DTNB: variants seen among roughly 807,000 people sequenced by gnomAD.
The protein encoded by DTNB is DTN-B.
In DTNB, 63 loss-of-function variants were observed where a neutral mutation model predicts 90.7. The ratio of observed to expected loss-of-function variants is 0.69; its 90% confidence interval spans 0.57 to 0.86. DTNB has a LOEUF of 0.86. Among genes scored for constraint, DTNB ranks in the 40% least tolerant of loss-of-function variants. The probability of loss-of-function intolerance (pLI) is 0.00; values close to 1 mark genes in which losing one functional copy is unlikely to be tolerated. For synonymous variants in DTNB, 277 were observed against 286.7 expected, an observed-to-expected ratio of 0.97 and a Z score of 0.34; for missense variants, 744 against 807.1, an observed-to-expected ratio of 0.92 and a Z score of 0.95.
intron 12 of DTNB, among the ~76,000 whole-genome samples, chr2:25,447,389 AAAGT>A (rs201833562): frequency 0.02 from 3,040 of 152,330 alleles, 47 homozygotes; most frequent in Non-Finnish European, 0.029. Flanking sequence ...AAATGTACCC[AAAGT>A]AAGTATAGAC....
intron 8 of DTNB, among the ~76,000 whole-genome samples, chr2:25,551,929 T>G (rs940578265): frequency 1.2e-4 from 18 of 152,364 alleles, no homozygotes; most frequent in African/African-American, 4.3e-4. Flanking sequence ...CTCACAAATT[T>G]GTTCTTCAGC....
At chr2:25,579,980 T>C (rs1012775850) in intron 7 of DTNB, among the ~76,000 whole-genome samples, 1 of 131,270 alleles carries the variant, frequency 7.6e-6, no homozygotes, top group African/African-American at 2.9e-5. Flanking sequence ...TCCTTTCTTT[T>C]TTTTTTTTTT....
At chr2:25,383,447 C>G (rs2038483859) in intron 19 of DTNB, among the ~76,000 whole-genome samples, 1 of 152,042 alleles carries the variant, frequency 6.6e-6, no homozygotes. Context: ...TCTTGAACTC[C>G]TGACCTTGTG....
At chr2:25,388,094 A>G (rs961413533) in intron 17 of DTNB, 108 bp downstream of exon 17, 133 of 1,493,518 alleles carry the variant, frequency 8.9e-5, no homozygotes, top group Non-Finnish European at 9.8e-6. Context: ...AAATCTGATC[A>G]TTCCAAGCAA....
intron 9 of DTNB, among the ~76,000 whole-genome samples, chr2:25,525,397 G>C (rs1445653140): frequency 1.3e-5 from 2 of 152,094 alleles, no homozygotes; most frequent in Non-Finnish European, 2.9e-5. Context: ...GTAATCCTAG[G>C]AGGCTGAGGC....
At chr2:25,619,345 G>A (rs1181406531) in intron 4 of DTNB, among the ~76,000 whole-genome samples, 1 of 152,092 alleles carries the variant, frequency 6.6e-6, no homozygotes, top group Admixed American at 6.5e-5. Flanking sequence ...TCAAAAACTC[G>A]CATTCTGCCA....
At position 25,512,721 on chromosome 2, in the gene DTNB, AC is replaced by A. The variant is rs1431360083; in HGVS notation, c.1001+18751del. ...TAAACTGGACTCCAGGATATAGAAA[AC>A]CTGTAAATCTGAAAGAGACAAGTAG... On this transcript the variant is annotated intron_variant, in intron 9 of 20. Coordinates refer to ENST00000406818, the MANE Select transcript of DTNB (RefSeq NM_021907.5). Among the ~76,000 whole-genome samples, 3 of 152,298 alleles carry A rather than the reference AC, an allele frequency of 2.0e-5. No homozygotes were observed. In the East Asian group the frequency reaches 5.8e-4, roughly 29 times the overall value.
At chr2:25,673,154 G>C (rs1341808838) in intron 1 of DTNB, among the ~76,000 whole-genome samples, 1 of 151,444 alleles carries the variant, frequency 6.6e-6, no homozygotes, top group Non-Finnish European at 1.5e-5. Context: ...GGGATCCGCC[G>C]CATCCCCTCT....
intron 4 of DTNB, among the ~76,000 whole-genome samples, chr2:25,623,708 T>C (rs971158011): frequency 4.6e-5 from 7 of 152,184 alleles, no homozygotes; most frequent in African/African-American, 1.7e-4. Context: ...ATGTTTGGTA[T>C]ATAATAAAAA....
intron 10 of DTNB, among the ~76,000 whole-genome samples, chr2:25,460,545 A>T (rs2060770160): frequency 6.6e-6 from 1 of 152,110 alleles, no homozygotes; most frequent in South Asian, 2.1e-4. Context: ...CTTGCAAAGG[A>T]GGCCAAGAAG....
intron 6 of DTNB, among the ~76,000 whole-genome samples, chr2:25,585,138 A>G (rs1230624186): frequency 6.6e-6 from 1 of 152,206 alleles, no homozygotes; most frequent in Non-Finnish European, 1.5e-5. Context: ...TAATATTAAT[A>G]TGAACTATAA....
chr2:25,501,027 CT>C (rs1239717945), intron 9 of DTNB, among the ~76,000 whole-genome samples: 4 of 152,146 alleles, frequency 2.6e-5, no homozygotes, highest in Non-Finnish European at 5.9e-5. Context: ...CTTCAAATAC[CT>C]AAGATCCTCA....
Position 25,419,897 on chromosome 2 carries a change from GAA to G in DTNB, c.1555-364_1555-363del, listed in dbSNP as rs1484171047. 1.4e-3 allele frequency among the ~76,000 whole-genome samples: 212 copies of G among 152,310 alleles called. 1 individual carries two copies. Among genetic ancestry groups the G allele is most frequent in the Admixed American group, 2.6e-3 (40 of 15,302 alleles). The stretch of plus-strand genomic sequence containing the variant: ...GAAAGAGGAAGTGCAACCATGACTT[GAA>G]ATTGTAATAATAATTCTATATTCAT... On this transcript the variant is annotated intron_variant, in intron 15 of 20. Transcript: ENST00000406818.
intron 16 of DTNB, among the ~76,000 whole-genome samples, chr2:25,396,731 T>TAAAAAAAAAAAAAAAAAA (rs35592591): frequency 4.6e-5 from 4 of 87,630 alleles, no homozygotes; most frequent in Non-Finnish European, 8.9e-5. Context: ...TAAAAGGAAC[T>TAAAAAAAAAAAAAAAAAA]AAAAAAAAAA....
In DTNB at chr2:25,424,105, G is replaced by A. The variant is rs1452435101; in HGVS notation, c.1554+3430C>T. Among the ~76,000 whole-genome samples, 1 of 152,130 alleles carries A rather than the reference G, an allele frequency of 6.6e-6. No individual in the cohort carries two copies. Among genetic ancestry groups the A allele is most frequent in the Non-Finnish European group, 1.5e-5 (1 of 68,020 alleles). ...TATAATACAAAAATTAAGATTACGT[G>A]GTAATTCTTTTAGGAAGCTGGACAC... On this transcript the variant is annotated intron_variant, in intron 15 of 20. Coordinates refer to ENST00000406818, the MANE Select transcript of DTNB (RefSeq NM_021907.5). This position sits in a 1 kb window ranked among gnomAD's most constrained non-coding sequence, Gnocchi z 4.1.
intron 5 of DTNB, among the ~76,000 whole-genome samples, chr2:25,601,876 C>T (rs2065958460): frequency 1.3e-5 from 2 of 152,104 alleles, no homozygotes; most frequent in South Asian, 4.2e-4. Context: ...AATTCTAACA[C>T]TTGGGGAGGC....
intron 3 of DTNB, among the ~76,000 whole-genome samples, chr2:25,630,844 C>CAAAAAAAAAAAAAAAAA (rs1169600129): frequency 1.6e-5 from 1 of 62,920 alleles, no homozygotes; most frequent in African/African-American, 6.5e-5. Flanking sequence ...AACTCCGTCC[C>CAAAAAAAAAAAAAAAAA]AAAAAAAAAA....
In DTNB at chr2:25,577,708, G is replaced by C. The variant is rs2060909478; in HGVS notation, c.710-704C>G. ...TGAACACAAGAAAAGGAAGTTAATA[G>C]AAAAGAGGGATAGGCCAGGCATGGT... On this transcript the variant is annotated intron_variant, in intron 7 of 20. Coordinates refer to ENST00000406818, the MANE Select transcript of DTNB (RefSeq NM_021907.5). 2.0e-5 allele frequency among the ~76,000 whole-genome samples: 3 copies of C among 152,144 alleles called. No homozygotes were observed. The South Asian group carries it at 6.2e-4, about 32-fold the overall frequency.
At chr2:25,531,306 C>T (rs373540270) in intron 9 of DTNB, among the ~76,000 whole-genome samples, 167 bp downstream of exon 9, 62 of 152,288 alleles carry the variant, frequency 4.1e-4, no homozygotes, top group African/African-American at 1.3e-3. Flanking sequence ...GGACACTTAA[C>T]GGTGATTTAC....
Sources: allele counts gnomAD v4.1 joint callset (sites outside exome capture counted in the v4.1 genomes callset), GRCh38; gene constraint gnomAD v4.1.1; non-coding constraint Gnocchi (gnomAD v3.1); transcripts MANE v1.5; gene names NCBI Gene and HGNC (gene_info 2026-07-23, HGNC 2026-07-21).